The following GLCCI1 variants were observed in gnomAD, a reference collection of about 807,000 sequenced individuals.
GLCCI1 encodes the protein glucocorticoid induced 1, also known as glucocorticoid-induced transcript 1 protein.
A neutral mutation model predicts 52.2 loss-of-function variants in GLCCI1; 24 were observed. The ratio of observed to expected loss-of-function variants is 0.46; its 90% CI spans 0.33 to 0.65. The LOEUF (loss-of-function observed/expected upper bound fraction) is 0.65. Ranked by LOEUF, GLCCI1 falls within the 30% of genes least tolerant of loss-of-function variation. GLCCI1 has a pLI of 0.02. For missense variants in GLCCI1, 704 were observed against 701.5 expected, an observed-to-expected ratio of 1.00 and a Z score of -0.04; for synonymous variants, 310 against 276.5, an observed-to-expected ratio of 1.12 and a Z score of -1.20.
At chr7:8,070,677 C>T in intron 5 of GLCCI1, 1 of 400,334 alleles carries the variant, frequency 2.5e-6, no homozygotes, top group South Asian at 3.0e-5. Context: ...ATGTGCTGAC[C>T]TACAGGTACA....
At chr7:8,055,854 G>T (rs999782187) in intron 4 of GLCCI1, 2 of 185,186 alleles carry the variant, frequency 1.1e-5, no homozygotes, top group Non-Finnish European at 2.3e-5. Context: ...TTAGCCGGGC[G>T]TCGTGCCGGG....
chr7:8,056,495 A>G (rs1376834713), intron 4 of GLCCI1, among the ~76,000 whole-genome samples: 1 of 152,192 alleles, frequency 6.6e-6, no homozygotes, highest in African/African-American at 2.4e-5. Context: ...ATATGAAGAA[A>G]TTGAGGATTA....
intron 2 of GLCCI1, chr7:8,004,393 G>A (rs759638534): frequency 4.1e-5 from 7 of 171,384 alleles, no homozygotes; most frequent in Admixed American, 6.2e-5. Context: ...AGTTTGCACC[G>A]TTCTTGAAAA....
intron 5 of GLCCI1, among the ~76,000 whole-genome samples, chr7:8,064,980 G>C (rs1326954305): frequency 6.6e-6 from 1 of 152,162 alleles, no homozygotes; most frequent in Non-Finnish European, 1.5e-5. Flanking sequence ...CCCCCCTAAA[G>C]TGCTGGGATT....
At chr7:8,066,603 AG>A (rs1782636644) in intron 5 of GLCCI1, among the ~76,000 whole-genome samples, 1 of 151,046 alleles carries the variant, frequency 6.6e-6, no homozygotes. Context: ...ATAGTTTCAA[AG>A]AATTTCTTGA....
chr7:8,055,373 A>G (rs1396955831), intron 3 of GLCCI1, 60 bp from the exon 4 acceptor site: 9 of 979,684 alleles, frequency 9.2e-6, no homozygotes, highest in Non-Finnish European at 1.4e-5. Context: ...GAAGAAATAA[A>G]TATAAAAATT....
chr7:8,071,994 G>A (rs1446973227), intron 6 of GLCCI1, among the ~76,000 whole-genome samples: 4 of 152,162 alleles, frequency 2.6e-5, no homozygotes, highest in Admixed American at 6.5e-5. Context: ...ATTGTTGTAA[G>A]TAAAATGCCC....
rs11762684 is a variant in GLCCI1, at chr7:7,993,955, A to G, written c.458-9953A>G. On this transcript the variant is annotated intron_variant, in intron 1 of 7. Coordinates refer to ENST00000223145, the MANE Select transcript of GLCCI1 (RefSeq NM_138426.4). ...ACACATCATAAAGTCAAAAAATTCT[A>G]AGTTGAAATATCATAAATGTGGAAC... Among the ~76,000 whole-genome samples the G allele has an allele frequency of 4.1e-3, 617 of 152,314 alleles. 1 individual carries two copies. The highest frequency in any genetic ancestry group is 5.3e-3 in the Non-Finnish European group (360 of 68,032).
At chr7:8,065,044 C>G (rs927247735) in intron 5 of GLCCI1, among the ~76,000 whole-genome samples, 31 of 152,114 alleles carry the variant, frequency 2.0e-4, no homozygotes, top group Non-Finnish European at 2.2e-4. Flanking sequence ...AATATTTATA[C>G]TTCCTATTCA....
At chr7:8,082,867 A>C (rs1394223597) in intron 6 of GLCCI1, among the ~76,000 whole-genome samples, 1 of 152,232 alleles carries the variant, frequency 6.6e-6, no homozygotes, top group Non-Finnish European at 1.5e-5. Flanking sequence ...AGTCCTTTGA[A>C]ACCATCAGTA....
chr7:8,016,553 G>A (rs1781385524), intron 2 of GLCCI1, among the ~76,000 whole-genome samples: 1 of 152,166 alleles, frequency 6.6e-6, no homozygotes, highest in Non-Finnish European at 1.5e-5. Context: ...TGAGAAAGCA[G>A]TATGCCTCTT....
In GLCCI1 at chr7:8,004,009, C is replaced by T. The variant is rs756641981; in HGVS notation, c.559C>T (p.Arg187Trp). The stretch of plus-strand genomic sequence containing the variant: ...ACCTTACCTCACAGGACAGTGGCCA[C>T]GGGATCCTCATGTTCACTACCCTTC... Reference protein sequence around the residue: ...TGPYLTGQWPRDPHVHYPSCM... With the variant: ...TGPYLTGQWPWDPHVHYPSCM... Residue 187 changes from arginine to tryptophan, a missense_variant, in exon 2 of 8, where the codon CGG (arginine) becomes TGG (tryptophan). Physicochemically the swap from Arg to Trp is moderately radical, Grantham distance 101 (BLOSUM62 -3). Around this residue, in one of 3 missense-constraint regions of GLCCI1, gnomAD observed 547 missense variants for 524.8 expected, o/e 1.04. Coordinates refer to ENST00000223145, the MANE Select transcript of GLCCI1 (RefSeq NM_138426.4). 9 of 1,613,614 alleles carry T rather than the reference C, an allele frequency of 5.6e-6. No homozygotes were observed. The highest frequency in any genetic ancestry group is 2.7e-5 in the African/African-American group (2 of 74,892).
chr7:8,044,548 T>G (rs1782078638), intron 3 of GLCCI1, among the ~76,000 whole-genome samples: 2 of 152,124 alleles, frequency 1.3e-5, no homozygotes, highest in African/African-American at 4.8e-5. Flanking sequence ...TTTTTGTATT[T>G]TTTGTAGAGA....
intron 3 of GLCCI1, among the ~76,000 whole-genome samples, chr7:8,031,750 A>G (rs1052586314): frequency 5.3e-5 from 8 of 151,996 alleles, no homozygotes. Flanking sequence ...GAAAGCAAAA[A>G]GATGGGAAAA....
intron 6 of GLCCI1, among the ~76,000 whole-genome samples, chr7:8,083,024 G>C (rs1452378002): frequency 6.6e-6 from 1 of 152,194 alleles, no homozygotes; most frequent in Non-Finnish European, 1.5e-5. Context: ...GATGCTAATG[G>C]TATCAGGCTG....
intron 2 of GLCCI1, among the ~76,000 whole-genome samples, chr7:8,005,959 C>T (rs1311218168): frequency 6.6e-6 from 1 of 152,068 alleles, no homozygotes; most frequent in Non-Finnish European, 1.5e-5. Flanking sequence ...CCACCATGCC[C>T]AGCCAAGTTT....
intron 1 of GLCCI1, among the ~76,000 whole-genome samples, chr7:8,000,940 G>A (rs1228678684): frequency 6.6e-6 from 1 of 152,098 alleles, no homozygotes; most frequent in African/African-American, 2.4e-5. Flanking sequence ...GTCTCTGCAT[G>A]TGAGATGGGT....
chr7:8,011,951 C>A (rs1042502165), intron 2 of GLCCI1, among the ~76,000 whole-genome samples: 1 of 151,658 alleles, frequency 6.6e-6, no homozygotes, highest in Non-Finnish European at 1.5e-5. Context: ...CAGCAGCTGG[C>A]ACTGCAGGCA....
intron 1 of GLCCI1, among the ~76,000 whole-genome samples, chr7:7,979,981 G>A (rs1780577342): frequency 6.6e-6 from 1 of 151,922 alleles, no homozygotes; most frequent in South Asian, 2.1e-4. Flanking sequence ...TGTCACCCAG[G>A]CTGAAGCACA....
Sources: gnomAD v4.1 joint callset for allele counts (sites outside exome capture counted in the v4.1 genomes callset) on GRCh38, gnomAD v4.1.1 for gene constraint, gnomAD v4.1.1 regional missense constraint, MANE v1.5 for transcripts, NCBI Gene and HGNC (gene_info 2026-07-23, HGNC 2026-07-21) for gene names.